CEP112: variants seen among roughly 807,000 people sequenced by gnomAD.
CEP112 encodes centrosomal protein of 112 kDa.
CEP112 carries 127 observed loss-of-function variants against 153.0 expected under a neutral mutation model. That is an observed-to-expected ratio of 0.83 (90% CI 0.72 to 0.96). The LOEUF is 0.96. Among genes scored for constraint, CEP112 ranks in the 40% least tolerant of loss-of-function variants. The pLI is 0.00. For missense variants in CEP112, 1,089 were observed against 1,101.2 expected (o/e 0.99, Z 0.16); for synonymous variants, 358 against 374.4 (o/e 0.96, Z 0.51).
chr17:66,087,937 C>T (rs975219048), intron 8 of CEP112, among the ~76,000 whole-genome samples: 7 of 152,138 alleles, frequency 4.6e-5, no homozygotes, highest in Admixed American at 2.0e-4. Context: ...AGACTCCCAG[C>T]CAGTACCCCA....
At chr17:65,919,878 C>A (rs1004761781) in intron 19 of CEP112, among the ~76,000 whole-genome samples, 1 of 151,996 alleles carries the variant, frequency 6.6e-6, no homozygotes, top group South Asian at 2.1e-4. Context: ...AATTTCTGCC[C>A]CCTGGAACTC....
At chr17:65,882,917 T>C (rs868274343) in intron 20 of CEP112, among the ~76,000 whole-genome samples, 5 of 152,136 alleles carry the variant, frequency 3.3e-5, no homozygotes, top group Admixed American at 2.0e-4. Flanking sequence ...AACTCTTAGT[T>C]TGACTCCTCA....
At chr17:65,883,361 C>T (rs772050168) in intron 20 of CEP112, among the ~76,000 whole-genome samples, 3 of 151,650 alleles carry the variant, frequency 2.0e-5, no homozygotes, top group Non-Finnish European at 4.4e-5. Context: ...TGTATACACA[C>T]ACATACATTT....
chr17:65,766,432 A>G (rs2052978986), intron 21 of CEP112, among the ~76,000 whole-genome samples: 1 of 150,700 alleles, frequency 6.6e-6, no homozygotes, highest in East Asian at 1.9e-4. Flanking sequence ...CTAACACTAT[A>G]GAAGATCACC....
intron 22 of CEP112, among the ~76,000 whole-genome samples, chr17:65,747,758 C>T (rs145390238): frequency 2.6e-5 from 4 of 152,216 alleles, no homozygotes; most frequent in East Asian, 1.9e-4. Context: ...GATCTCAGAA[C>T]GGGGCACAGG....
chr17:66,085,104 T>C (rs72837131), intron 8 of CEP112, among the ~76,000 whole-genome samples: 2 of 152,288 alleles, frequency 1.3e-5, no homozygotes, highest in Non-Finnish European at 2.9e-5. Flanking sequence ...TGCTCGAGTG[T>C]TAATAACAAA....
At chr17:65,963,103 T>C (rs955356875) in intron 17 of CEP112, among the ~76,000 whole-genome samples, 1 of 152,160 alleles carries the variant, frequency 6.6e-6, no homozygotes, top group African/African-American at 2.4e-5. Context: ...AGGATTCCAG[T>C]CCTGAAAGTG....
In CEP112 at chr17:65,680,838, AG is replaced by A. The variant is rs567907215; in HGVS notation, c.2697+8290del. On this transcript the variant is annotated intron_variant, in intron 24 of 26. Transcript: ENST00000535342. ...GCAGGCACCTTCTTCACAAGGCGGC[AG>A]GAGACAGAGTGAGTGAGACAAAGGG... Among the ~76,000 whole-genome samples, 12 of 152,362 alleles carry A rather than the reference AG, an allele frequency of 7.9e-5. No homozygotes were observed. In the East Asian group the frequency reaches 2.3e-3, roughly 29 times the overall value.
intron 6 of CEP112, among the ~76,000 whole-genome samples, chr17:66,098,202 T>C (rs2068426085): frequency 6.6e-6 from 1 of 152,246 alleles, no homozygotes; most frequent in Non-Finnish European, 1.5e-5. Flanking sequence ...ATCCTTCTTC[T>C]GTCCATAAAT....
intron 20 of CEP112, among the ~76,000 whole-genome samples, chr17:65,863,749 C>CAA (rs397949072): frequency 0.011 from 1,409 of 125,514 alleles, 31 homozygotes; most frequent in African/African-American, 0.036. Flanking sequence ...GACTCTGTCT[C>CAA]AAAAAAAAAA....
chr17:66,003,082 T>C (rs1000557086), intron 17 of CEP112, among the ~76,000 whole-genome samples: 3 of 152,174 alleles, frequency 2.0e-5, no homozygotes, highest in African/African-American at 7.2e-5. Flanking sequence ...TCACAATAAT[T>C]TACTCTTTTA....
chr17:65,806,092 A>C (rs1389464298), intron 21 of CEP112, among the ~76,000 whole-genome samples: 1 of 152,222 alleles, frequency 6.6e-6, no homozygotes, highest in Non-Finnish European at 1.5e-5. Context: ...TTCTTGACAG[A>C]ATCTTTCCAG....
chr17:65,769,851 T>G (rs1364475361), intron 21 of CEP112, among the ~76,000 whole-genome samples: 2 of 152,050 alleles, frequency 1.3e-5, no homozygotes, highest in African/African-American at 4.8e-5. Context: ...TTTTTCCTGC[T>G]TTTTACTTGT....
At chr17:65,773,266 C>T (rs9899781) in intron 21 of CEP112, among the ~76,000 whole-genome samples, 73,016 of 151,916 alleles carry the variant, frequency 0.48, 19,231 homozygotes, top group East Asian at 0.78. Flanking sequence ...ATATCTACCC[C>T]CTGCCTTCAT....
At chr17:65,770,278 G>A (rs554829911) in intron 21 of CEP112, among the ~76,000 whole-genome samples, 33 of 151,844 alleles carry the variant, frequency 2.2e-4, no homozygotes, top group African/African-American at 7.2e-4. Flanking sequence ...ACATTAAAAA[G>A]ACAGGAATCA....
chr17:65,939,918 C>T (rs567012818), intron 18 of CEP112, among the ~76,000 whole-genome samples: 269 of 152,012 alleles, frequency 1.8e-3, no homozygotes, highest in African/African-American at 6.3e-3. Flanking sequence ...TGTTTCTGCA[C>T]AGGAAACTAA....
chr17:65,991,582 T>C (rs2145257501), intron 17 of CEP112, among the ~76,000 whole-genome samples: 1 of 152,262 alleles, frequency 6.6e-6, no homozygotes, highest in African/African-American at 2.4e-5. Context: ...CTTTCAAGAA[T>C]ACTTTTTGAA....
intron 1 of CEP112, among the ~76,000 whole-genome samples, chr17:66,184,683 T>C (rs2072856619): frequency 1.3e-5 from 2 of 152,140 alleles, no homozygotes; most frequent in South Asian, 4.1e-4. Context: ...GGAAAACAGT[T>C]TGGCAGTTTC....
intron 17 of CEP112, among the ~76,000 whole-genome samples, chr17:65,984,323 C>A (rs2063328909): frequency 6.6e-6 from 1 of 152,126 alleles, no homozygotes; most frequent in African/African-American, 2.4e-5. Context: ...CTTGACAAGG[C>A]AGGGGTCAGT....
Sources: allele counts gnomAD v4.1 joint callset (sites outside exome capture counted in the v4.1 genomes callset), GRCh38; gene constraint gnomAD v4.1.1; transcripts MANE v1.5; gene names NCBI Gene and HGNC (gene_info 2026-07-23, HGNC 2026-07-21).